SMAD9: variants seen among roughly 807,000 people sequenced by gnomAD.
The protein encoded by SMAD9 is MAD homolog 9.
A neutral mutation model predicts 46.1 loss-of-function variants in SMAD9; 36 were observed. The ratio of observed to expected loss-of-function variants is 0.78; its 90% CI spans 0.60 to 1.03. The LOEUF (loss-of-function observed/expected upper bound fraction) is 1.03. SMAD9 is among the 50% of genes least tolerant of loss of function. The probability of loss-of-function intolerance (pLI) is 0.00; values close to 1 mark genes in which losing one functional copy is unlikely to be tolerated. For synonymous variants in SMAD9, 245 were observed against 237.1 expected (o/e 1.03, Z -0.31); for missense variants, 572 against 599.8 (o/e 0.95, Z 0.48).
Position 36,913,831 on chromosome 13 carries a change from C to T in SMAD9, c.-187+6285G>A, listed in dbSNP as rs192477727. Among the ~76,000 whole-genome samples the T allele has an allele frequency of 4.6e-5, 7 of 152,270 alleles. No homozygotes were observed. The East Asian group carries it at 1.4e-3, about 29-fold the overall frequency. ...CAAGACAAAGAAAACCACATGAGAC[C>T]TAAAATCTTTTTAGCTTAACACATT... is the stretch of plus-strand genomic sequence containing the variant. On this transcript the variant is annotated intron_variant, in intron 1 of 6. Coordinates refer to ENST00000379826, the MANE Select transcript of SMAD9 (RefSeq NM_001127217.3).
At chr13:36,852,638 T>C (rs1451470713) in intron 6 of SMAD9, 2 of 883,450 alleles carry the variant, frequency 2.3e-6, no homozygotes, top group Non-Finnish European at 2.7e-6. Context: ...CACTACTTAG[T>C]TTATTATCTT....
intron 1 of SMAD9, among the ~76,000 whole-genome samples, chr13:36,913,223 A>G (rs1412873728): frequency 6.6e-6 from 1 of 152,188 alleles, no homozygotes; most frequent in Non-Finnish European, 1.5e-5. Context: ...TGGGGAAGTA[A>G]GACATCTTAC....
intron 5 of SMAD9, among the ~76,000 whole-genome samples, chr13:36,861,094 T>C (rs944442984): frequency 1.3e-5 from 2 of 152,166 alleles, no homozygotes; most frequent in Non-Finnish European, 2.9e-5. Flanking sequence ...CTCAGGGACA[T>C]ACCCACTAGA....
intron 1 of SMAD9, among the ~76,000 whole-genome samples, chr13:36,909,291 T>C (rs540226162): frequency 3.3e-5 from 5 of 152,296 alleles, no homozygotes; most frequent in African/African-American, 1.2e-4. Context: ...TCATGCCCAA[T>C]AGTTTGGGTC....
At chr13:36,855,367 G>C (rs76558538) in intron 5 of SMAD9, among the ~76,000 whole-genome samples, 3,045 of 151,592 alleles carry the variant, frequency 0.02, 55 homozygotes, top group Non-Finnish European at 0.032. Context: ...CTGGGTTTGA[G>C]ATTTAATATA....
intron 2 of SMAD9, 92 bp from the exon 3 acceptor site, chr13:36,873,007 T>G (rs2058311058): frequency 6.9e-7 from 1 of 1,451,738 alleles, no homozygotes; most frequent in Non-Finnish European, 9.6e-7. Context: ...CTATTTTTTG[T>G]TTATGATAGA....
At chr13:36,879,067 G>C (rs552273020) in intron 2 of SMAD9, among the ~76,000 whole-genome samples, 3 of 151,518 alleles carry the variant, frequency 2.0e-5, no homozygotes, top group Non-Finnish European at 2.9e-5. Flanking sequence ...CAGGAATATC[G>C]TTTTCATGGG....
intron 1 of SMAD9, among the ~76,000 whole-genome samples, chr13:36,892,881 T>C (rs562806890): frequency 6.6e-6 from 1 of 152,346 alleles, no homozygotes; most frequent in African/African-American, 2.4e-5. Context: ...TCCAGTCTTC[T>C]AGAAACACTG....
chr13:36,898,217 T>C (rs988763004), intron 1 of SMAD9, among the ~76,000 whole-genome samples: 5 of 152,044 alleles, frequency 3.3e-5, no homozygotes, highest in African/African-American at 9.7e-5. Context: ...GGTAACATAG[T>C]TGGTCTACAC....
intron 2 of SMAD9, among the ~76,000 whole-genome samples, chr13:36,877,816 G>A (rs866090701): frequency 2.1e-4 from 32 of 152,272 alleles, no homozygotes; most frequent in African/African-American, 7.5e-4. Flanking sequence ...AGTTCTGGGA[G>A]CTTGAAGGAT....
rs2058029679 is a variant in SMAD9, at chr13:36,845,024, TCTG to T, written c.*3649_*3651del. The T allele has an allele frequency of 6.6e-6, 1 of 152,156 alleles. No individual in the cohort carries two copies. Among genetic ancestry groups the T allele is most frequent in the Admixed American group, 6.6e-5 (1 of 15,266 alleles). The allele number at this position is 152,156 out of a possible 1,614,324, so 9.4% of individuals were successfully genotyped here. On this transcript the variant is annotated 3_prime_UTR_variant, in exon 7 of 7. Coordinates refer to ENST00000379826, the MANE Select transcript of SMAD9 (RefSeq NM_001127217.3). ...GGATCACCTAAACTTGTCATACAGT[TCTG>T]CTATTAAAATCGTAACAGGGAAAGA...
At chr13:36,917,971 CA>C (rs1483226687) in intron 1 of SMAD9, among the ~76,000 whole-genome samples, 2 of 141,118 alleles carry the variant, frequency 1.4e-5, no homozygotes, top group African/African-American at 4.9e-5. Flanking sequence ...TTTTTCCCTC[CA>C]ACTGACCACA....
intron 1 of SMAD9, among the ~76,000 whole-genome samples, chr13:36,919,125 GGTTA>G (rs2058720847): frequency 6.6e-6 from 1 of 152,180 alleles, no homozygotes; most frequent in Non-Finnish European, 1.5e-5. Context: ...ATCCTTTGTA[GGTTA>G]GTTCTCAGGA....
At chr13:36,870,190 C>T (rs1164737129) in intron 3 of SMAD9, among the ~76,000 whole-genome samples, 2 of 152,262 alleles carry the variant, frequency 1.3e-5, no homozygotes, top group East Asian at 1.9e-4. Context: ...AAAAGAACAT[C>T]AACCTGTCAG....
intron 1 of SMAD9, among the ~76,000 whole-genome samples, chr13:36,892,186 T>C (rs2058493576): frequency 6.6e-6 from 1 of 152,200 alleles, no homozygotes; most frequent in South Asian, 2.1e-4. Flanking sequence ...TCAGACAGAT[T>C]AAGGAAAGAA....
chr13:36,860,606 C>T (rs1192058336), intron 5 of SMAD9, among the ~76,000 whole-genome samples: 4 of 151,898 alleles, frequency 2.6e-5, no homozygotes, highest in South Asian at 2.1e-4. Context: ...CCTGCCACCA[C>T]GCCCGGCTAA....
At chr13:36,892,480 TCA>T (rs1184071986) in intron 1 of SMAD9, among the ~76,000 whole-genome samples, 1 of 152,188 alleles carries the variant, frequency 6.6e-6, no homozygotes, top group Admixed American at 6.5e-5. Flanking sequence ...CTGTGTCGCT[TCA>T]GATATTAAAA....
intron 2 of SMAD9, 126 bp downstream of exon 2, chr13:36,879,152 C>A: frequency 1.2e-6 from 1 of 862,440 alleles, no homozygotes; most frequent in South Asian, 1.5e-5. Flanking sequence ...CTGAACCTCC[C>A]TCTCCTCTCT....
rs753371762 is a variant in SMAD9 at position 36,853,581 on chromosome 13, G to C, written c.1098C>G (p.His366Gln). 3.1e-6 allele frequency: 5 copies of C among 1,614,136 alleles called. No individual in the cohort carries two copies. Among genetic ancestry groups the C allele is most frequent in the Non-Finnish European group, 4.2e-6 (5 of 1,180,030 alleles). ...FVQSRNCNYQ[H>Q]GFHPATVCKI... is the part of the protein sequence containing the mutation. ...TGCAGACGGTAGCTGGGTGGAAGCCGTGTTGATAGTTGCAGTTCCGGCTCT... is the reference window on the plus strand; with the variant it reads ...TGCAGACGGTAGCTGGGTGGAAGCCCTGTTGATAGTTGCAGTTCCGGCTCT... Residue 366 changes from histidine (H) to glutamine (Q), a missense_variant, in exon 6 of 7, where the codon CAC becomes CAG. His to Gln is a conservative substitution (Grantham distance 24, BLOSUM62 0). Coordinates refer to ENST00000379826, the MANE Select transcript of SMAD9 (RefSeq NM_001127217.3).
Sources: gnomAD v4.1 joint callset for allele counts (sites outside exome capture counted in the v4.1 genomes callset) on GRCh38, gnomAD v4.1.1 for gene constraint, MANE v1.5 for transcripts, NCBI Gene and HGNC (gene_info 2026-07-23, HGNC 2026-07-21) for gene names.